RFXANK: variants seen among roughly 807,000 people sequenced by gnomAD.
The protein encoded by RFXANK is DNA-binding protein RFXANK.
A neutral mutation model predicts 34.5 loss-of-function variants in RFXANK; 19 were observed. That is an observed-to-expected ratio of 0.55 (90% CI 0.38 to 0.81). The LOEUF (loss-of-function observed/expected upper bound fraction) is 0.81, where lower values mean the gene tolerates loss of function less well. Among genes scored for constraint, RFXANK ranks in the 30% least tolerant of loss-of-function variants. The pLI is 0.00. For missense variants in RFXANK, 295 were observed against 343.5 expected (o/e 0.86, Z 1.12); for synonymous variants, 154 against 149.8 (o/e 1.03, Z -0.20).
At chr19:19,196,856 C>T in intron 3 of RFXANK, 107 bp from the exon 4 acceptor site, 1 of 1,017,578 alleles carries the variant, frequency 9.8e-7, no homozygotes, top group Non-Finnish European at 1.5e-6. Flanking sequence ...CAGACGGAGA[C>T]TCCATCTCAA....
chr19:19,197,487 C>G, intron 5 of RFXANK, 34 bp from the exon 6 acceptor site: 1 of 1,602,690 alleles, frequency 6.2e-7, no homozygotes, highest in Non-Finnish European at 8.5e-7. Flanking sequence ...GGCAGGGGTG[C>G]AGCCTGGTGG....
At chr19:19,198,020 A>AC in intron 6 of RFXANK, 87 bp from the exon 7 acceptor site, 1 of 1,559,532 alleles carries the variant, frequency 6.4e-7, no homozygotes, top group East Asian at 2.2e-5. Flanking sequence ...TCCAAAAAAA[A>AC]AAAAAAAGAT....
intron 7 of RFXANK, 57 bp from the exon 8 acceptor site, chr19:19,198,600 A>G: frequency 6.3e-7 from 1 of 1,592,848 alleles, no homozygotes; most frequent in Non-Finnish European, 8.6e-7. Context: ...AGTACAAGGC[A>G]TTTTGAGAAT....
intron 2 of RFXANK, among the ~76,000 whole-genome samples, 198 bp downstream of exon 2, chr19:19,193,298 G>T (rs893106357): frequency 6.6e-6 from 1 of 151,910 alleles, no homozygotes; most frequent in Non-Finnish European, 1.5e-5. Flanking sequence ...ACATTTTGTC[G>T]TGGAGGAAAC....
intron 2 of RFXANK, 145 bp downstream of exon 2, chr19:19,193,245 G>T (rs2060522842): frequency 6.6e-6 from 1 of 152,354 alleles, no homozygotes; most frequent in South Asian, 2.0e-4. Context: ...CAGATCCCCC[G>T]ATAAGCTATG....
intron 8 of RFXANK, 67 bp from the exon 9 acceptor site, chr19:19,199,087 C>T (rs2060652204): frequency 2.1e-6 from 3 of 1,447,472 alleles, no homozygotes; most frequent in Non-Finnish European, 2.9e-6. Flanking sequence ...TGGGATCTCC[C>T]AGGTCCCCAG....
At chr19:19,198,824 C>A in intron 8 of RFXANK, 101 bp downstream of exon 8, 1 of 1,237,842 alleles carries the variant, frequency 8.1e-7, no homozygotes, top group Admixed American at 1.7e-5. Flanking sequence ...TTGAAGAGTT[C>A]TTGGAGCAGG....
At position 19,192,989 on chromosome 19, in the gene RFXANK, C is replaced by T. The variant is rs866085945; in HGVS notation, c.-120C>T. ...AGCCAGATCGCTGAGGGTCCGGTCTCCAGTTTGCCTCCTGCTATATCCATT... is the reference window on the plus strand; with the variant it reads ...AGCCAGATCGCTGAGGGTCCGGTCTTCAGTTTGCCTCCTGCTATATCCATT... On this transcript the variant is annotated 5_prime_UTR_variant, in exon 2 of 10. Transcript: ENST00000303088. 2 of 152,306 alleles carry T rather than the reference C, an allele frequency of 1.3e-5. No homozygotes were observed. Among genetic ancestry groups the T allele is most frequent in the African/African-American group, 4.8e-5 (2 of 41,466 alleles). The allele number at this position is 152,306 out of a possible 1,614,324, so 9.4% of individuals were successfully genotyped here.
rs71170606 is a variant in RFXANK, at chr19:19,200,788, A to ATTTT, written c.713-837_713-834dup. Reference sequence around the variant, plus strand: ...AAGTGCCTGCCACCACACCTGGCTAATTTTTTTTTTTTTTTTTTTTTTTTT... The same window carrying ATTTT: ...AAGTGCCTGCCACCACACCTGGCTAATTTTTTTTTTTTTTTTTTTTTTTTTTTTT... On this transcript the variant is annotated intron_variant, in intron 9 of 9. Coordinates refer to ENST00000303088, the MANE Select transcript of RFXANK (RefSeq NM_003721.4). The ATTTT allele has an allele frequency of 2.3e-3, 195 of 84,604 alleles. 24 individuals carry two copies. The highest frequency in any genetic ancestry group is 0.01 in the African/African-American group (173 of 17,300). 5.2% of individuals were successfully genotyped at this position (84,604 alleles called of 1,614,324 possible). A position where few individuals can be genotyped will look rare whatever the true frequency, so the allele number is the denominator to read the frequency against.
chr19:19,194,565 T>A (rs2060564135), intron 3 of RFXANK, among the ~76,000 whole-genome samples: 1 of 152,016 alleles, frequency 6.6e-6, no homozygotes, highest in Non-Finnish European at 1.5e-5. Flanking sequence ...AGGGTCTCGC[T>A]CTGTTACTAA....
intron 9 of RFXANK, among the ~76,000 whole-genome samples, chr19:19,200,660 G>T (rs980619023): frequency 6.6e-6 from 1 of 151,604 alleles, no homozygotes; most frequent in Non-Finnish European, 1.5e-5. Flanking sequence ...GTCTCGCTCT[G>T]TCACCCAGGC....
intron 3 of RFXANK, 56 bp downstream of exon 3, chr19:19,194,189 G>A (rs1416593741): frequency 1.3e-6 from 2 of 1,533,138 alleles, no homozygotes; most frequent in Non-Finnish European, 1.8e-6. Context: ...TGGAATGTCA[G>A]GCCTCACATG....
chr19:19,199,684 G>C (rs749397238), intron 9 of RFXANK, among the ~76,000 whole-genome samples: 3 of 152,152 alleles, frequency 2.0e-5, no homozygotes, highest in Non-Finnish European at 4.4e-5. Flanking sequence ...GGCCCCTGCG[G>C]AGGCCTGGCA....
intron 9 of RFXANK, chr19:19,200,860 G>A (rs1010882601): frequency 9.3e-5 from 14 of 149,744 alleles, no homozygotes; most frequent in African/African-American, 2.6e-4. Context: ...GTGCTATGGC[G>A]TGATCTCGGC....
At chr19:19,198,804 C>A in intron 8 of RFXANK, 81 bp downstream of exon 8, 1 of 1,391,796 alleles carries the variant, frequency 7.2e-7, no homozygotes, top group Non-Finnish European at 1.0e-6. Flanking sequence ...GGGAGACGCC[C>A]AAGTGTTGCT....
At chr19:19,194,155 T>TGGCCCTCTGGG (rs779608295) in intron 3 of RFXANK, 22 bp downstream of exon 3, 4 of 1,611,672 alleles carry the variant, frequency 2.5e-6, no homozygotes, top group Admixed American at 1.7e-5. Flanking sequence ...CCTCTGGGAT[T>TGGCCCTCTGGG]AGCCCTCTGG....
rs752747766 is a variant in RFXANK, at chr19:19,201,704, C to T, written c.768C>T (p.Pro256=). The T allele has an allele frequency of 1.6e-5, 26 of 1,613,948 alleles. No homozygotes were observed. Among genetic ancestry groups the T allele is most frequent in the African/African-American group, 9.3e-5 (7 of 74,924 alleles). Residue 256 remains proline (P), a synonymous_variant, in exon 10 of 10, where the codon CCC becomes CCT. Transcript: ENST00000303088. ...ILKLFQSNLV[P]ADPE ...AGCTCTTCCAGAGCAACCTGGTGCC[C>T]GCTGACCCTGAGTGAAGGCCGCCTG... is the stretch of plus-strand genomic sequence containing the variant.
At chr19:19,200,155 T>G (rs529435080) in intron 9 of RFXANK, among the ~76,000 whole-genome samples, 141 of 147,280 alleles carry the variant, frequency 9.6e-4, no homozygotes, top group Non-Finnish European at 1.5e-3. Context: ...TCACCATGCC[T>G]GGCTAATTTT....
At position 19,201,822 on chromosome 19, in the gene RFXANK, G is replaced by A. The variant is rs1829920709; in HGVS notation, c.*103G>A. 1.2e-6 allele frequency: 2 copies of A among 1,611,890 alleles called. No homozygotes were observed. Among genetic ancestry groups the A allele is most frequent in the African/African-American group, 2.7e-5 (2 of 74,984 alleles). On this transcript the variant is annotated 3_prime_UTR_variant, in exon 10 of 10. Transcript: ENST00000303088. ...AAGGCAGCTTCTGGACAGGTGGTGG[G>A]AGGGGACCCTTCCCAAGAGGAACCA...
Sources: gnomAD v4.1 joint callset for allele counts (sites outside exome capture counted in the v4.1 genomes callset) on GRCh38, gnomAD v4.1.1 for gene constraint, MANE v1.5 for transcripts, NCBI Gene and HGNC (gene_info 2026-07-23, HGNC 2026-07-21) for gene names.